ARHGAP18: variants seen among roughly 807,000 people sequenced by gnomAD.
The protein encoded by ARHGAP18 is Rho GTPase activating protein 18, also known as rho GTPase-activating protein 18.
In ARHGAP18, 67 loss-of-function variants were observed where a neutral mutation model predicts 86.2. That is an observed-to-expected ratio of 0.78 (90% CI 0.64 to 0.95). The LOEUF (loss-of-function observed/expected upper bound fraction) is 0.95. Ranked by LOEUF, ARHGAP18 falls within the 40% of genes least tolerant of loss-of-function variation. The pLI is 0.00. For missense variants in ARHGAP18, 691 were observed against 780.4 expected (o/e 0.89, Z 1.37); for synonymous variants, 283 against 280.4 (o/e 1.01, Z -0.09).
Position 129,587,634 on chromosome 6 carries a change from C to T in ARHGAP18, c.1714-3522G>A, listed in dbSNP as rs113056187. 2.1e-3 allele frequency among the ~76,000 whole-genome samples: 327 copies of T among 152,230 alleles called. 1 individual carries two copies. Among genetic ancestry groups the T allele is most frequent in the African/African-American group, 7.4e-3 (308 of 41,532 alleles). ...ATGTCAAGCAAAGGGGGAAAAGCCC[C>T]TTATAAAACCATCAGATCTCATGAG... is the stretch of plus-strand genomic sequence containing the variant. On this transcript the variant is annotated intron_variant, in intron 12 of 14. Coordinates refer to ENST00000368149, the MANE Select transcript of ARHGAP18 (RefSeq NM_033515.3).
chr6:129,608,506 T>C (rs1033361757), intron 8 of ARHGAP18, among the ~76,000 whole-genome samples: 1 of 152,186 alleles, frequency 6.6e-6, no homozygotes, highest in African/African-American at 2.4e-5. Flanking sequence ...AACAGAAGGC[T>C]ACCTCTGATT....
intron 5 of ARHGAP18, among the ~76,000 whole-genome samples, chr6:129,622,318 T>C (rs1407336864): frequency 1.1e-4 from 16 of 152,216 alleles, no homozygotes; most frequent in Admixed American, 1.0e-3. Context: ...TTCTGAATGC[T>C]GAACCAACCA....
In ARHGAP18 at chr6:129,657,313, T is replaced by C. The variant is rs142427247; in HGVS notation, c.114-15295A>G. ...TTAATATTATGCTAATAAAAGGGGA[T>C]AGTAACTAGTTTAGTCTCTTCAGTA... On this transcript the variant is annotated intron_variant, in intron 1 of 14. Transcript: ENST00000368149. Among the ~76,000 whole-genome samples the C allele has an allele frequency of 2.5e-3, 373 of 152,160 alleles. 1 individual carries two copies. The highest frequency in any genetic ancestry group is 8.5e-3 in the African/African-American group (352 of 41,516).
At chr6:129,644,287 A>G (rs188170662) in intron 1 of ARHGAP18, among the ~76,000 whole-genome samples, 3,497 of 152,188 alleles carry the variant, frequency 0.023, 42 homozygotes, top group Non-Finnish European at 0.029. Flanking sequence ...TCCGGCCCCA[A>G]TGGCCACTAC....
intron 1 of ARHGAP18, among the ~76,000 whole-genome samples, chr6:129,671,525 C>CTCA (rs1174993801): frequency 5.3e-5 from 8 of 151,826 alleles, no homozygotes; most frequent in African/African-American, 1.9e-4. Context: ...AAAGCAAGAC[C>CTCA]TCATCTCTAT....
intron 3 of ARHGAP18, among the ~76,000 whole-genome samples, chr6:129,636,052 A>G (rs570299851): frequency 2.6e-5 from 4 of 152,148 alleles, no homozygotes; most frequent in African/African-American, 9.6e-5. Flanking sequence ...CTTCCTCTTA[A>G]CTCCCTTAGT....
intron 1 of ARHGAP18, among the ~76,000 whole-genome samples, chr6:129,658,067 C>T (rs965450143): frequency 6.6e-6 from 1 of 152,212 alleles, no homozygotes. Context: ...GGAACTACTA[C>T]TGGAAGAGAG....
Position 129,617,856 on chromosome 6 carries a change from G to C in ARHGAP18, c.952+831C>G, listed in dbSNP as rs552121524. 1.8e-4 allele frequency among the ~76,000 whole-genome samples: 28 copies of C among 152,214 alleles called. No individual in the cohort carries two copies. In the South Asian group the frequency reaches 2.5e-3, roughly 14 times the overall value. Reference sequence around the variant, plus strand: ...GTAATTGCCTCTAAAACCTAAATCAGGTGAATACTTGTCTTTGTGAATGTT... The same window carrying C: ...GTAATTGCCTCTAAAACCTAAATCACGTGAATACTTGTCTTTGTGAATGTT... On this transcript the variant is annotated intron_variant, in intron 6 of 14. Coordinates refer to ENST00000368149, the MANE Select transcript of ARHGAP18 (RefSeq NM_033515.3).
chr6:129,605,797 T>G, intron 10 of ARHGAP18, 80 bp downstream of exon 10: 1 of 1,279,268 alleles, frequency 7.8e-7, no homozygotes, highest in Non-Finnish European at 1.1e-6. Context: ...AAGATACACA[T>G]CTTATTGTTT....
chr6:129,676,915 CTTTTTTTTTTTTTT>C (rs10688716), intron 1 of ARHGAP18, among the ~76,000 whole-genome samples: 661 of 38,018 alleles, frequency 0.017, 13 homozygotes, highest in African/African-American at 0.042. Context: ...TTTTTGTCCT[CTTTTTTTTTTTTTT>C]TTTTTTTTTT....
At chr6:129,644,898 C>T (rs575938217) in intron 1 of ARHGAP18, among the ~76,000 whole-genome samples, 22 of 152,238 alleles carry the variant, frequency 1.4e-4, no homozygotes, top group African/African-American at 5.3e-4. Context: ...TAGCTTAGTG[C>T]TGATGAATTG....
chr6:129,673,743 A>G (rs550402031), intron 1 of ARHGAP18, among the ~76,000 whole-genome samples: 4 of 152,336 alleles, frequency 2.6e-5, no homozygotes, highest in Admixed American at 6.5e-5. Flanking sequence ...ACCACAGTCA[A>G]AAATCCAAAA....
chr6:129,604,021 C>T (rs1788802117), intron 10 of ARHGAP18, among the ~76,000 whole-genome samples: 1 of 152,204 alleles, frequency 6.6e-6, no homozygotes, highest in African/African-American at 2.4e-5. Context: ...GTTTCCCTTC[C>T]CTTTTACAGA....
intron 5 of ARHGAP18, among the ~76,000 whole-genome samples, chr6:129,620,881 C>G (rs150768876): frequency 6.6e-6 from 1 of 152,130 alleles, no homozygotes; most frequent in South Asian, 2.1e-4. Context: ...CTCATTCTCT[C>G]GTGAGTATAG....
At chr6:129,589,820 G>A (rs2114435424) in intron 12 of ARHGAP18, among the ~76,000 whole-genome samples, 1 of 152,304 alleles carries the variant, frequency 6.6e-6, no homozygotes, top group African/African-American at 2.4e-5. Flanking sequence ...CCATCTGCAA[G>A]CTGAGGAGCA....
intron 7 of ARHGAP18, among the ~76,000 whole-genome samples, chr6:129,614,892 T>A (rs1789063187): frequency 6.6e-6 from 1 of 152,168 alleles, no homozygotes; most frequent in East Asian, 1.9e-4. Context: ...CAATTTTGCT[T>A]CAAGACTGCA....
At chr6:129,671,188 A>T in intron 1 of ARHGAP18, among the ~76,000 whole-genome samples, 1 of 152,302 alleles carries the variant, frequency 6.6e-6, no homozygotes, top group East Asian at 1.9e-4. Flanking sequence ...GCCCTTTATG[A>T]TAATATTAAG....
At chr6:129,648,911 A>T (rs1288703685) in intron 1 of ARHGAP18, among the ~76,000 whole-genome samples, 1 of 152,164 alleles carries the variant, frequency 6.6e-6, no homozygotes, top group Non-Finnish European at 1.5e-5. Context: ...CCTACAAATG[A>T]CCCAAGTCAT....
intron 9 of ARHGAP18, 96 bp downstream of exon 9, chr6:129,607,797 C>T (rs1035096107): frequency 1.2e-5 from 16 of 1,325,044 alleles, no homozygotes; most frequent in East Asian, 2.6e-5. Flanking sequence ...CACCCAAATA[C>T]GTCTGGTTGC....
Sources: allele counts gnomAD v4.1 joint callset (sites outside exome capture counted in the v4.1 genomes callset), GRCh38; gene constraint gnomAD v4.1.1; transcripts MANE v1.5; gene names NCBI Gene and HGNC (gene_info 2026-07-23, HGNC 2026-07-21).